The following CCDC92 variants were observed in gnomAD, a reference collection of about 807,000 sequenced individuals.
The protein encoded by CCDC92 is coiled-coil domain containing 92, also known as coiled-coil domain-containing protein 92.
Under a neutral mutation model 24.9 loss-of-function variants are expected in CCDC92, and 12 were observed. That is an observed-to-expected ratio of 0.48 (90% CI 0.31 to 0.78). CCDC92 has a LOEUF of 0.78. Among genes scored for constraint, CCDC92 ranks in the 30% least tolerant of loss-of-function variants. The probability of loss-of-function intolerance (pLI) is 0.05; values close to 1 mark genes in which losing one functional copy is unlikely to be tolerated. For missense variants in CCDC92, 399 were observed against 439.4 expected, an observed-to-expected ratio of 0.91 and a Z score of 0.82; for synonymous variants, 193 against 196.3, an observed-to-expected ratio of 0.98 and a Z score of 0.14.
chr12:123,968,476 G>C (rs1956444339), intron 1 of CCDC92: 1 of 152,084 alleles, frequency 6.6e-6, no homozygotes, highest in African/African-American at 2.4e-5. Flanking sequence ...TATTTAAGTA[G>C]TATCTGTGAT....
chr12:123,942,029 C>A (rs1401584960), intron 4 of CCDC92, among the ~76,000 whole-genome samples: 2 of 152,248 alleles, frequency 1.3e-5, no homozygotes, highest in South Asian at 2.1e-4. Context: ...GCCTTCCCGA[C>A]GTGATAAACC....
chr12:123,948,497 G>A (rs1349501909), intron 1 of CCDC92, among the ~76,000 whole-genome samples: 3 of 152,212 alleles, frequency 2.0e-5, no homozygotes, highest in African/African-American at 7.2e-5. Context: ...AGAAGAAACG[G>A]CAGGCGAGCA....
chr12:123,965,923 C>T (rs1956381697), intron 1 of CCDC92, among the ~76,000 whole-genome samples: 3 of 152,236 alleles, frequency 2.0e-5, no homozygotes, highest in Middle Eastern at 3.4e-3. Flanking sequence ...AGCTTATCTA[C>T]GGATGGGGCT....
At chr12:123,952,438 G>A (rs1219210233) in intron 1 of CCDC92, among the ~76,000 whole-genome samples, 2 of 152,196 alleles carry the variant, frequency 1.3e-5, no homozygotes, top group African/African-American at 4.8e-5. Flanking sequence ...TTCTCCCTTT[G>A]AAACCATCTA....
intron 1 of CCDC92, among the ~76,000 whole-genome samples, chr12:123,963,609 T>G (rs946111909): frequency 1.3e-5 from 2 of 152,210 alleles, no homozygotes. Context: ...TCTTCCTGTT[T>G]CTTGATAATG....
intron 1 of CCDC92, chr12:123,961,092 A>G (rs1956261846): frequency 6.6e-6 from 1 of 152,256 alleles, no homozygotes; most frequent in Admixed American, 6.5e-5. Context: ...ACAATGTATA[A>G]TTAAATCCTC....
chr12:123,969,371 G>A (rs1956467394), intron 1 of CCDC92, among the ~76,000 whole-genome samples: 1 of 151,544 alleles, frequency 6.6e-6, no homozygotes, highest in Non-Finnish European at 1.5e-5. Context: ...ACTTTTTGCT[G>A]TGAAACTTGA....
chr12:123,946,654 C>G (rs1415882353), intron 1 of CCDC92: 1 of 152,338 alleles, frequency 6.6e-6, no homozygotes, highest in Non-Finnish European at 1.5e-5. Flanking sequence ...TGGAGGCCCA[C>G]GAATGGGCCT....
At chr12:123,961,726 T>C (rs2138143678) in intron 1 of CCDC92, among the ~76,000 whole-genome samples, 1 of 152,304 alleles carries the variant, frequency 6.6e-6, no homozygotes, top group East Asian at 1.9e-4. Context: ...AGAATCAACA[T>C]GGAATCACCT....
intron 1 of CCDC92, among the ~76,000 whole-genome samples, chr12:123,947,493 T>A (rs555428042): frequency 5.9e-5 from 9 of 152,322 alleles, no homozygotes. Context: ...ATTGGCACTC[T>A]GTATCTAGCT....
intron 1 of CCDC92, chr12:123,956,227 C>T (rs1956147453): frequency 6.6e-6 from 1 of 152,220 alleles, no homozygotes; most frequent in Admixed American, 6.5e-5. Context: ...TGGAATAACA[C>T]AGCCTAAGTA....
intron 1 of CCDC92, chr12:123,960,567 C>T (rs1257921937): frequency 2.0e-5 from 3 of 152,098 alleles, no homozygotes; most frequent in Non-Finnish European, 2.9e-5. Context: ...GAGATGTGGC[C>T]GTGTCGCATG....
rs185165258 is a variant in CCDC92, at chr12:123,963,145, C to A, written c.-60+9384G>T. ...AAACAGACCATAACGCACAGGACAG[C>A]CCCACAACAAGGGCAATCTGGCCCC... On this transcript the variant is annotated intron_variant, in intron 1 of 4. Transcript: ENST00000238156. 3.2e-4 allele frequency among the ~76,000 whole-genome samples: 49 copies of A among 152,280 alleles called. No individual in the cohort carries two copies. The East Asian group carries it at 5.4e-3, about 17-fold the overall frequency.
At chr12:123,957,699 C>CTTTTTTTT (rs59738995) in intron 1 of CCDC92, among the ~76,000 whole-genome samples, 2 of 75,908 alleles carry the variant, frequency 2.6e-5, no homozygotes, top group Non-Finnish European at 4.8e-5. Flanking sequence ...TTTTTTCCTT[C>CTTTTTTTT]TTTTTTTTTT....
chr12:123,939,139 C>T (rs1955610163), intron 4 of CCDC92, among the ~76,000 whole-genome samples: 1 of 152,236 alleles, frequency 6.6e-6, no homozygotes, highest in Non-Finnish European at 1.5e-5. Context: ...CTTGTTCTGT[C>T]TCTATTGTAC....
chr12:123,947,803 C>T (rs996170518), intron 1 of CCDC92, among the ~76,000 whole-genome samples: 16 of 152,120 alleles, frequency 1.1e-4, no homozygotes, highest in African/African-American at 3.1e-4. Context: ...GCAACCCGCT[C>T]GGGTCCCCTT....
intron 1 of CCDC92, chr12:123,946,880 G>C (rs1955884721): frequency 6.5e-6 from 1 of 152,876 alleles, no homozygotes; most frequent in Non-Finnish European, 1.5e-5. Flanking sequence ...GCTGCACTGT[G>C]GGAGCCCCTT....
intron 1 of CCDC92, among the ~76,000 whole-genome samples, chr12:123,959,874 T>C (rs1956234460): frequency 6.6e-6 from 1 of 152,234 alleles, no homozygotes; most frequent in African/African-American, 2.4e-5. Flanking sequence ...GAACCATGGC[T>C]AGAGCTATGT....
chr12:123,966,853 G>C (rs543453733), intron 1 of CCDC92, among the ~76,000 whole-genome samples: 1 of 152,198 alleles, frequency 6.6e-6, no homozygotes, highest in Non-Finnish European at 1.5e-5. Context: ...GTCATCCAAA[G>C]CTCTGAGTTC....
Sources: gnomAD v4.1 joint callset for allele counts (sites outside exome capture counted in the v4.1 genomes callset) on GRCh38, gnomAD v4.1.1 for gene constraint, MANE v1.5 for transcripts, NCBI Gene and HGNC (gene_info 2026-07-23, HGNC 2026-07-21) for gene names.